The following HDAC9 variants were observed in gnomAD, a reference collection of about 807,000 sequenced individuals.
The protein encoded by HDAC9 is MEF-2 interacting transcription repressor (MITR) protein.
HDAC9 carries 41 observed loss-of-function variants against 139.4 expected under a neutral mutation model. The observed-to-expected ratio is 0.29, with a 90% CI of 0.23 to 0.38. The LOEUF (loss-of-function observed/expected upper bound fraction) is 0.38, where lower values mean the gene tolerates loss of function less well. Among genes scored for constraint, HDAC9 ranks in the 10% least tolerant of loss-of-function variants. The pLI, the probability that HDAC9 is intolerant of heterozygous loss-of-function variation, is 1.00. For missense variants in HDAC9, 1,147 were observed against 1,297.0 expected (o/e 0.88, Z 1.78); for synonymous variants, 517 against 476.2 (o/e 1.09, Z -1.12).
At chr7:18,419,182 G>A (rs142171123) in intron 1 of HDAC9, among the ~76,000 whole-genome samples, 1 of 152,138 alleles carries the variant, frequency 6.6e-6, no homozygotes, top group East Asian at 1.9e-4. Context: ...TGTATGACAA[G>A]GAAACAGGAA....
intron 6 of HDAC9, among the ~76,000 whole-genome samples, chr7:18,597,110 A>C (rs28630018): frequency 0.023 from 3,532 of 152,210 alleles, 139 homozygotes; most frequent in African/African-American, 0.08. Flanking sequence ...CCTTAGGAGA[A>C]TGATAGTTGC....
chr7:18,429,559 GTGTGTC>G (rs921173088), intron 1 of HDAC9, among the ~76,000 whole-genome samples: 5 of 150,350 alleles, frequency 3.3e-5, no homozygotes, highest in East Asian at 1.9e-4. Flanking sequence ...TTGTGTGTGT[GTGTGTC>G]TGTGTGTGTG....
intron 17 of HDAC9, among the ~76,000 whole-genome samples, chr7:18,800,871 A>G (rs1345417589): frequency 6.6e-6 from 1 of 152,056 alleles, no homozygotes; most frequent in Non-Finnish European, 1.5e-5. Context: ...CTCCAAAGAC[A>G]AAAAATATAT....
chr7:18,978,490 T>C (rs1277957741), intron 25 of HDAC9, among the ~76,000 whole-genome samples: 2 of 152,146 alleles, frequency 1.3e-5, no homozygotes, highest in African/African-American at 2.4e-5. Context: ...AAGGCTGATA[T>C]GTGGGAATTC....
chr7:18,269,217 A>C (rs560431486), intron 2 of HDAC9, among the ~76,000 whole-genome samples: 2 of 152,180 alleles, frequency 1.3e-5, no homozygotes, highest in Non-Finnish European at 2.9e-5. Flanking sequence ...GGAATATGTA[A>C]CGTGGAATAT....
intron 22 of HDAC9, among the ~76,000 whole-genome samples, chr7:18,935,275 G>T (rs1175431666): frequency 1.3e-5 from 2 of 151,776 alleles, no homozygotes; most frequent in Non-Finnish European, 2.9e-5. Flanking sequence ...TTCATATTTT[G>T]CATTTATCAA....
chr7:18,980,672 T>G (rs1487713345), intron 25 of HDAC9, among the ~76,000 whole-genome samples: 1 of 85,232 alleles, frequency 1.2e-5, no homozygotes, highest in Non-Finnish European at 2.4e-5. Flanking sequence ...TTGTTCTTCT[T>G]GTTCTTGTTC....
intron 2 of HDAC9, among the ~76,000 whole-genome samples, chr7:18,533,959 A>C (rs945059137): frequency 6.6e-6 from 1 of 152,092 alleles, no homozygotes; most frequent in African/African-American, 2.4e-5. Flanking sequence ...ATCAAAGTGC[A>C]CCGTTCTTTA....
chr7:18,961,376 A>G (rs917753986), intron 24 of HDAC9, among the ~76,000 whole-genome samples: 2 of 152,178 alleles, frequency 1.3e-5, no homozygotes, highest in African/African-American at 4.8e-5. Context: ...GGAGAGGATT[A>G]ATAATGTCTG....
At position 18,390,047 on chromosome 7, in the gene HDAC9, AACACACACACACACAC is replaced by A. The variant is rs60514746; in HGVS notation, c.-42+99565_-42+99580del. Among the ~76,000 whole-genome samples the A allele has an allele frequency of 2.1e-4, 27 of 130,430 alleles. 1 individual carries two copies. The highest frequency in any genetic ancestry group is 4.8e-4 in the African/African-American group (17 of 35,642). The allele number at this position is 130,430 out of a possible 152,430, so 85.6% of individuals were successfully genotyped here. On this transcript the variant is annotated intron_variant, in intron 1 of 3. Transcript: ENST00000413509. The stretch of plus-strand genomic sequence containing the variant: ...GTTGTGTTTGACCCTAGAGAAAGAC[AACACACACACACACAC>A]ACACACACACACACACACACACACA...
intron 16 of HDAC9, among the ~76,000 whole-genome samples, chr7:18,768,290 C>T (rs900924542): frequency 5.9e-5 from 9 of 152,158 alleles, no homozygotes; most frequent in Non-Finnish European, 1.0e-4. Flanking sequence ...TGTACACATC[C>T]TTGTCGAGGA....
chr7:18,331,980 G>A (rs934439349), intron 1 of HDAC9, among the ~76,000 whole-genome samples: 6 of 151,542 alleles, frequency 4.0e-5, no homozygotes, highest in African/African-American at 1.5e-4. Context: ...AGATGCTCAG[G>A]TTCCAGAGCC....
chr7:18,662,478 A>G (rs745821349), intron 11 of HDAC9, among the ~76,000 whole-genome samples: 36 of 152,200 alleles, frequency 2.4e-4, no homozygotes, highest in Non-Finnish European at 4.0e-4. Flanking sequence ...TAGTGAGAGC[A>G]TTCCAGCAGA....
At chr7:18,401,885 C>T (rs1787578345) in intron 1 of HDAC9, among the ~76,000 whole-genome samples, 1 of 152,196 alleles carries the variant, frequency 6.6e-6, no homozygotes, top group African/African-American at 2.4e-5. Context: ...TTCTGAGAAA[C>T]ACAATTCGAA....
intron 1 of HDAC9, among the ~76,000 whole-genome samples, chr7:18,330,009 C>CGT (rs1554375814): frequency 6.6e-6 from 1 of 151,470 alleles, no homozygotes; most frequent in Non-Finnish European, 1.5e-5. Flanking sequence ...GTGTGTGTTC[C>CGT]GTGTGTGAGA....
intron 16 of HDAC9, among the ~76,000 whole-genome samples, chr7:18,768,781 G>C (rs1790037133): frequency 6.6e-6 from 1 of 152,138 alleles, no homozygotes; most frequent in Admixed American, 6.6e-5. Flanking sequence ...CCTGAGTTAT[G>C]ATGGTTCAAT....
In HDAC9 at chr7:18,291,856, C is replaced by G. The variant is rs1017347; in HGVS notation, c.-42+1341C>G. 6.7e-3 allele frequency among the ~76,000 whole-genome samples: 1,021 copies of G among 152,144 alleles called. 8 individuals are homozygous for G. Among genetic ancestry groups the G allele is most frequent in the African/African-American group, 0.024 (976 of 41,512 alleles). On this transcript the variant is annotated intron_variant, in intron 1 of 3. Transcript: ENST00000413509. ...TAAGCTCACAGAGCAAGGAGTAGAT[C>G]TAATGGAAAAGACCCTGTCATGGGC...
At chr7:18,797,620 G>A (rs988463544) in intron 17 of HDAC9, among the ~76,000 whole-genome samples, 1 of 152,092 alleles carries the variant, frequency 6.6e-6, no homozygotes, top group African/African-American at 2.4e-5. Flanking sequence ...TTGAGGTCTG[G>A]TGTTCAAGAC....
chr7:18,767,087 A>G lies in HDAC9; in HGVS notation c.2165-19A>G, dbSNP rs1239866196. On this transcript the variant is annotated intron_variant, in intron 15 of 25. Coordinates refer to ENST00000686413, the MANE Select transcript of HDAC9 (RefSeq NM_178425.4). ...TAACCTCCATTTATCTATATTTTTT[A>G]TGTCTTCTTACTGTATAGGTGATGA... 2 of 1,311,286 alleles carry G rather than the reference A, an allele frequency of 1.5e-6. No individual in the cohort carries two copies. Among genetic ancestry groups the G allele is most frequent in the Non-Finnish European group, 2.1e-6 (2 of 963,758 alleles). The allele number at this position is 1,311,286 out of a possible 1,614,324, so 81.2% of individuals were successfully genotyped here.
Sources: gnomAD v4.1 joint callset for allele counts (sites outside exome capture counted in the v4.1 genomes callset) on GRCh38, gnomAD v4.1.1 for gene constraint, MANE v1.5 for transcripts, NCBI Gene and HGNC (gene_info 2026-07-23, HGNC 2026-07-21) for gene names.